The following ANO2 variants were observed in gnomAD, a reference collection of about 807,000 sequenced individuals.
ANO2 encodes the protein anoctamin 2, also known as anoctamin-2.
Under a neutral mutation model 124.2 loss-of-function variants are expected in ANO2, and 101 were observed. That is an observed-to-expected ratio of 0.81 (90% confidence interval 0.69 to 0.96). The LOEUF (loss-of-function observed/expected upper bound fraction) is 0.96, where lower values mean the gene tolerates loss of function less well. ANO2 is among the 40% of genes least tolerant of loss of function. The pLI is 0.00. For synonymous variants in ANO2, 486 were observed against 482.5 expected (o/e 1.01, Z -0.09); for missense variants, 1,293 against 1,274.5 (o/e 1.01, Z -0.22).
intron 10 of ANO2, among the ~76,000 whole-genome samples, chr12:5,755,565 C>T (rs984846828): frequency 3.9e-5 from 6 of 152,022 alleles, no homozygotes; most frequent in Non-Finnish European, 5.9e-5. Flanking sequence ...CTCTCCCCAC[C>T]CCACAACAGG....
At chr12:5,892,754 C>T (rs1247752542) in intron 3 of ANO2, among the ~76,000 whole-genome samples, 3 of 152,130 alleles carry the variant, frequency 2.0e-5, no homozygotes, top group South Asian at 2.1e-4. Context: ...TGCCAACAGA[C>T]TTGGTTCAAA....
At chr12:5,858,886 T>C (rs377454338) in intron 3 of ANO2, among the ~76,000 whole-genome samples, 19 of 152,338 alleles carry the variant, frequency 1.2e-4, no homozygotes, top group African/African-American at 4.3e-4. Context: ...AGATTAAAAT[T>C]GTGAGTGAGT....
At chr12:5,927,402 TGA>T (rs1265566664) in intron 1 of ANO2, among the ~76,000 whole-genome samples, 1 of 152,082 alleles carries the variant, frequency 6.6e-6, no homozygotes, top group African/African-American at 2.4e-5. Flanking sequence ...TCAGAGACAT[TGA>T]GAGAAAAGAA....
chr12:5,792,724 C>T (rs1952733265), intron 10 of ANO2, among the ~76,000 whole-genome samples: 1 of 152,192 alleles, frequency 6.6e-6, no homozygotes, highest in Non-Finnish European at 1.5e-5. Flanking sequence ...TTCCTACAGC[C>T]TCACAGCTAC....
intron 12 of ANO2, among the ~76,000 whole-genome samples, chr12:5,740,611 T>A (rs1367910403): frequency 6.6e-6 from 1 of 151,930 alleles, no homozygotes; most frequent in Non-Finnish European, 1.5e-5. Flanking sequence ...ATGACACAGA[T>A]GAAAAAGCTG....
At chr12:5,571,266 C>T (rs1007775907) in intron 23 of ANO2, among the ~76,000 whole-genome samples, 3 of 152,218 alleles carry the variant, frequency 2.0e-5, no homozygotes, top group South Asian at 2.1e-4. Context: ...GGCGGCCCTT[C>T]GACCCTGTCA....
Position 5,575,899 on chromosome 12 carries a change from G to T in ANO2, c.2556C>A (p.Val852=). 1 of 1,613,832 alleles carries T rather than the reference G, an allele frequency of 6.2e-7. No homozygotes were observed. The highest frequency in any genetic ancestry group is 8.5e-7 in the Non-Finnish European group (1 of 1,179,836). The change falls in exon 23 of 25, where the codon GTC becomes GTA. Residue 852 remains valine (V), a synonymous_variant. Transcript: ENST00000682330. The stretch of plus-strand genomic sequence containing the variant: ...GCTGCGTCCCCTCCTTCAGCTGGCT[G>T]ACGTTGAAAAAGGAGAGGGTGTGGT... ...FVNHTLSFFN[V]SQLKEGTQPE... is the part of the protein sequence containing the mutation.
At chr12:5,941,331 C>T (rs1942886645) in intron 1 of ANO2, among the ~76,000 whole-genome samples, 1 of 151,900 alleles carries the variant, frequency 6.6e-6, no homozygotes. Flanking sequence ...AAAGAAAAAT[C>T]CATTGGGTGG....
intron 19 of ANO2, among the ~76,000 whole-genome samples, chr12:5,604,327 G>C (rs1173322772): frequency 6.6e-6 from 1 of 152,152 alleles, no homozygotes; most frequent in African/African-American, 2.4e-5. Flanking sequence ...GTCTAAGTGG[G>C]GAAACCCACG....
At chr12:5,885,054 T>C (rs1036022368) in intron 3 of ANO2, among the ~76,000 whole-genome samples, 10 of 152,224 alleles carry the variant, frequency 6.6e-5, no homozygotes, top group African/African-American at 2.4e-4. Flanking sequence ...TCATGTCAGA[T>C]TAATATTCCT....
At chr12:5,685,310 G>T (rs1948658619) in intron 14 of ANO2, among the ~76,000 whole-genome samples, 1 of 152,210 alleles carries the variant, frequency 6.6e-6, no homozygotes, top group African/African-American at 2.4e-5. Flanking sequence ...TTACAGGGTA[G>T]CAATAAGACT....
At chr12:5,578,050 G>T (rs371970812) in intron 21 of ANO2, 43 bp from the exon 22 acceptor site, 1 of 1,594,428 alleles carries the variant, frequency 6.3e-7, no homozygotes, top group East Asian at 2.2e-5. Flanking sequence ...TCCCGCCCTC[G>T]GCCCAGTGAT....
chr12:5,945,306 C>A, upstream of ANO2: 1 of 1,103,278 alleles, frequency 9.1e-7, no homozygotes, highest in Non-Finnish European at 1.1e-6. Context: ...CGGCTCAGCT[C>A]CGTCCCGGCG....
chr12:5,616,427 C>T (rs983932410), intron 16 of ANO2, among the ~76,000 whole-genome samples: 1 of 152,216 alleles, frequency 6.6e-6, no homozygotes, highest in Non-Finnish European at 1.5e-5. Flanking sequence ...CCATACACCA[C>T]ACCTCCTAAT....
rs765253724 is a variant in ANO2, at chr12:5,750,975, AAAAG to A, written c.1056-9_1056-6del. The A allele has an allele frequency of 6.3e-7, 1 of 1,582,034 alleles. No homozygotes were observed. ...ATTTTTTCTCCAAAATACTTTCTGGAAAAGAAAGAAAAGAAAATGAAACACATAT... is the reference window on the plus strand; with the variant it reads ...ATTTTTTCTCCAAAATACTTTCTGGAAAAGAAAAGAAAATGAAACACATAT... On this transcript the variant is annotated splice_region_variant and splice_polypyrimidine_tract_variant and intron_variant, in intron 10 of 24. Coordinates refer to ENST00000682330, the MANE Select transcript of ANO2 (RefSeq NM_001364791.2).
intron 4 of ANO2, chr12:5,851,921 T>C (rs956873426): frequency 4.1e-6 from 3 of 738,902 alleles, no homozygotes; most frequent in Non-Finnish European, 7.4e-6. Context: ...CCCTGGGGGA[T>C]GGAAATCATA....
chr12:5,827,716 C>A, intron 7 of ANO2, 53 bp downstream of exon 7: 2 of 1,572,746 alleles, frequency 1.3e-6, no homozygotes, highest in Non-Finnish European at 1.7e-6. Flanking sequence ...AAGCACGGGG[C>A]GGGAGCCGCC....
At chr12:5,780,040 C>A (rs925710975) in intron 10 of ANO2, among the ~76,000 whole-genome samples, 1 of 152,140 alleles carries the variant, frequency 6.6e-6, no homozygotes, top group Non-Finnish European at 1.5e-5. Flanking sequence ...CAATGTTAAA[C>A]TTCCTGATTT....
chr12:5,837,293 C>CTT (rs10623130), intron 4 of ANO2, among the ~76,000 whole-genome samples: 38,477 of 95,472 alleles, frequency 0.4, 8,478 homozygotes, highest in East Asian at 0.7. Context: ...ATGCAGATTT[C>CTT]TTTTTTTTTT....
Sources: gnomAD v4.1 joint callset for allele counts (sites outside exome capture counted in the v4.1 genomes callset) on GRCh38, gnomAD v4.1.1 for gene constraint, MANE v1.5 for transcripts, NCBI Gene and HGNC (gene_info 2026-07-23, HGNC 2026-07-21) for gene names.